The following PBRM1 variants were observed in gnomAD, a reference collection of about 807,000 sequenced individuals.
PBRM1 encodes the protein polybromo 1, also known as protein polybromo-1.
PBRM1 carries 27 observed loss-of-function variants against 194.5 expected under a neutral mutation model. That is an observed-to-expected ratio of 0.14 (90% CI 0.10 to 0.19). The LOEUF (loss-of-function observed/expected upper bound fraction) is 0.19. Among genes scored for constraint, PBRM1 ranks in the 10% least tolerant of loss-of-function variants. PBRM1 has a pLI of 1.00. For synonymous variants in PBRM1, 655 were observed against 693.2 expected (o/e 0.94, Z 0.87); for missense variants, 1,466 against 2,077.2 (o/e 0.71, Z 5.72).
chr3:52,612,798 C>T (rs1333588207), intron 15 of PBRM1, among the ~76,000 whole-genome samples: 4 of 151,374 alleles, frequency 2.6e-5, no homozygotes, highest in African/African-American at 9.7e-5. Flanking sequence ...TACAGCTACC[C>T]TGCAGGCTGA....
At chr3:52,631,126 T>C (rs2095603672) in intron 11 of PBRM1, among the ~76,000 whole-genome samples, 1 of 152,156 alleles carries the variant, frequency 6.6e-6, no homozygotes, top group African/African-American at 2.4e-5. Flanking sequence ...TTCTGTATCC[T>C]ACTTGTATAC....
chr3:52,556,064 T>C (rs536842373), intron 26 of PBRM1, among the ~76,000 whole-genome samples: 1 of 152,194 alleles, frequency 6.6e-6, no homozygotes, highest in Non-Finnish European at 1.5e-5. Flanking sequence ...CTCATTTTTA[T>C]AAAATACTCT....
chr3:52,570,610 C>A (rs972295592), intron 22 of PBRM1, among the ~76,000 whole-genome samples: 1 of 151,972 alleles, frequency 6.6e-6, no homozygotes, highest in Admixed American at 6.6e-5. Context: ...TCCTACCAAG[C>A]CCCCAAAAGA....
intron 9 of PBRM1, among the ~76,000 whole-genome samples, chr3:52,642,583 T>C (rs927940387): frequency 1.5e-5 from 2 of 129,658 alleles, no homozygotes; most frequent in African/African-American, 5.7e-5. Context: ...CACTCCAGCC[T>C]GGGCAACGAG....
At chr3:52,649,247 T>C (rs2096419392) in intron 6 of PBRM1, among the ~76,000 whole-genome samples, 1 of 152,144 alleles carries the variant, frequency 6.6e-6, no homozygotes, top group Non-Finnish European at 1.5e-5. Context: ...AGCACAGGCA[T>C]CGGGAGGGCT....
intron 10 of PBRM1, among the ~76,000 whole-genome samples, chr3:52,641,203 C>A (rs953782112): frequency 6.6e-6 from 1 of 151,754 alleles, no homozygotes; most frequent in African/African-American, 2.4e-5. Flanking sequence ...AATCCCAGCA[C>A]ATTCGGAGGC....
At chr3:52,545,985 G>A (rs140938617), downstream of PBRM1, 158 of 233,042 alleles carry the variant, frequency 6.8e-4, 1 homozygote, top group African/African-American at 3.2e-3. Flanking sequence ...CTTAATTAGG[G>A]CCTGTCTAGT....
At position 52,662,294 on chromosome 3, in the gene PBRM1, G is replaced by GAA. The variant is rs758227657; in HGVS notation, c.385-20_385-19dup. On this transcript the variant is annotated intron_variant, in intron 3 of 29. Transcript: ENST00000296302. ...GAATCTGGCTGTATGTTAGCAAAGA[G>GAA]AAAAAAAAAAACACTTTAGTAATGT... 1.8e-4 allele frequency: 223 copies of GAA among 1,211,154 alleles called. No individual in the cohort carries two copies. Among genetic ancestry groups the GAA allele is most frequent in the Admixed American group, 4.0e-4 (15 of 37,408 alleles). The allele number at this position is 1,211,154 out of a possible 1,614,324, so 75.0% of individuals were successfully genotyped here. A position where few individuals can be genotyped will look rare whatever the true frequency, so the allele number is the denominator to read the frequency against.
chr3:52,681,471 C>T (rs114839348), upstream of PBRM1, among the ~76,000 whole-genome samples: 982 of 152,180 alleles, frequency 6.5e-3, 10 homozygotes, highest in African/African-American at 0.022. Context: ...CCAAGTTTTG[C>T]TGATTTTTGT....
chr3:52,651,083 C>T (rs2096480516), intron 6 of PBRM1, among the ~76,000 whole-genome samples: 1 of 152,148 alleles, frequency 6.6e-6, no homozygotes, highest in Non-Finnish European at 1.5e-5. Flanking sequence ...CTTCAGTTTT[C>T]TAACTTGTAA....
At chr3:52,620,689 C>T (rs2095237640) in intron 13 of PBRM1, among the ~76,000 whole-genome samples, 1 of 152,120 alleles carries the variant, frequency 6.6e-6, no homozygotes, top group South Asian at 2.1e-4. Context: ...GTGAGACATA[C>T]CCAGAATGTG....
intron 17 of PBRM1, 43 bp downstream of exon 19, chr3:52,603,478 A>T (rs1255270637): frequency 6.4e-7 from 1 of 1,561,416 alleles, no homozygotes; most frequent in East Asian, 2.3e-5. Context: ...CACCTAGAAG[A>T]CAGTGCATTT....
At chr3:52,604,551 G>A (rs2094215532) in intron 16 of PBRM1, among the ~76,000 whole-genome samples, 1 of 152,118 alleles carries the variant, frequency 6.6e-6, no homozygotes. Flanking sequence ...AAAGTAGCCT[G>A]GCATTGGGGT....
At chr3:52,553,490 T>A (rs1356833898) in intron 27 of PBRM1, among the ~76,000 whole-genome samples, 1 of 144,070 alleles carries the variant, frequency 6.9e-6, no homozygotes, top group Non-Finnish European at 1.5e-5. Context: ...ATGTCAGGCT[T>A]TTTTTTTTTT....
chr3:52,683,659 C>T (rs2097253927), upstream of PBRM1, among the ~76,000 whole-genome samples: 1 of 151,384 alleles, frequency 6.6e-6, no homozygotes, highest in South Asian at 2.1e-4. Flanking sequence ...ATCAAAAATA[C>T]AAAAAATTAT....
intron 24 of PBRM1, among the ~76,000 whole-genome samples, chr3:52,562,933 G>A (rs1039071683): frequency 7.2e-5 from 11 of 152,146 alleles, no homozygotes; most frequent in African/African-American, 1.9e-4. Flanking sequence ...AAAAAGACAC[G>A]GGTAATAAAA....
At position 52,575,672 on chromosome 3, in the gene PBRM1, ATTTTTTT is replaced by A. The variant is rs35495289; in HGVS notation, c.3691+862_3691+868del. On this transcript the variant is annotated intron_variant, in intron 22 of 29. Coordinates refer to ENST00000296302, the Ensembl canonical transcript of PBRM1. Reference sequence around the variant, plus strand: ...AGACATGTGCCACCATGCCCAAATAATTTTTTTTTTTTTTTTTTTTTTAGCAGAGACA... The same window carrying A: ...AGACATGTGCCACCATGCCCAAATAATTTTTTTTTTTTTTTAGCAGAGACA... Among the ~76,000 whole-genome samples the A allele has an allele frequency of 6.5e-3, 801 of 122,532 alleles. 3 individuals are homozygous for A. Among genetic ancestry groups the A allele is most frequent in the African/African-American group, 0.024 (756 of 31,204 alleles). The allele number at this position is 122,532 out of a possible 152,430, so 80.4% of individuals were successfully genotyped here.
chr3:52,603,786 C>T, intron 16 of PBRM1, 54 bp from the exon 19 acceptor site: 3 of 1,458,882 alleles, frequency 2.1e-6, no homozygotes, highest in Non-Finnish European at 2.8e-6. Context: ...TTTTAAACAC[C>T]TCAATTATAT....
At chr3:52,680,750 C>T (rs1047503405), upstream of PBRM1, among the ~76,000 whole-genome samples, 6 of 152,046 alleles carry the variant, frequency 3.9e-5, no homozygotes, top group South Asian at 2.1e-4. Context: ...CTCCCTCCAC[C>T]TCCCAGTTTC....
Sources: gnomAD v4.1 joint callset for allele counts (sites outside exome capture counted in the v4.1 genomes callset) on GRCh38, gnomAD v4.1.1 for gene constraint, MANE v1.5 for transcripts, NCBI Gene and HGNC (gene_info 2026-07-23, HGNC 2026-07-21) for gene names.